Variants in ZNF85 observed in about 807,000 individuals in gnomAD.
The protein encoded by ZNF85 is zinc finger protein 85, also known as zinc finger protein 85 (HPF4, HTF1).
Under a neutral mutation model 53.9 loss-of-function variants are expected in ZNF85, and 50 were observed. The observed-to-expected ratio is 0.93, with a 90% CI of 0.74 to 1.17. The LOEUF (loss-of-function observed/expected upper bound fraction) is 1.17. Ranked by LOEUF, ZNF85 falls within the 50% of genes most tolerant of loss-of-function variation. ZNF85 has a pLI of 0.00. For synonymous variants in ZNF85, 225 were observed against 226.1 expected, an observed-to-expected ratio of 1.00 and a Z score of 0.04; for missense variants, 747 against 688.5, an observed-to-expected ratio of 1.08 and a Z score of -0.95.
At chr19:20,928,839 TC>T (rs1972940144) in intron 1 of ZNF85, 1 of 152,164 alleles carries the variant, frequency 6.6e-6, no homozygotes, top group Non-Finnish European at 1.5e-5. Flanking sequence ...CTACAGTCCT[TC>T]CACCTACATT....
chr19:20,950,397 AATT>A lies in ZNF85; in HGVS notation c.*96_*98del. On this transcript the variant is annotated 3_prime_UTR_variant, in exon 4 of 4. Coordinates refer to ENST00000328178, the MANE Select transcript of ZNF85 (RefSeq NM_003429.5). ...CTACTAACCTGAAAGATGTGACAAT[AATT>A]TTGACAACACCTCAGACTTATAAAA... The A allele has an allele frequency of 1.1e-6, 1 of 874,480 alleles. No individual in the cohort carries two copies. The allele number at this position is 874,480 out of a possible 1,614,324, so 54.2% of individuals were successfully genotyped here. A position where few individuals can be genotyped will look rare whatever the true frequency, so the allele number is the denominator to read the frequency against.
intron 3 of ZNF85, chr19:20,943,532 C>G (rs1430276441): frequency 6.6e-6 from 1 of 151,834 alleles, no homozygotes; most frequent in Non-Finnish European, 1.5e-5. Flanking sequence ...CTTGTACAGT[C>G]TGCCCAACGA....
At position 20,925,306 on chromosome 19, in the gene ZNF85, A is replaced by T. The variant is rs182621447; in HGVS notation, c.3+1903A>T. Reference sequence around the variant, plus strand: ...ACCCCATCTCTACTAAAAATACAAAAATTAGCCAGGCCTGGTGGCACACAC... The same window carrying T: ...ACCCCATCTCTACTAAAAATACAAATATTAGCCAGGCCTGGTGGCACACAC... On this transcript the variant is annotated intron_variant, in intron 1 of 3. Coordinates refer to ENST00000328178, the MANE Select transcript of ZNF85 (RefSeq NM_003429.5). Among the ~76,000 whole-genome samples, 560 of 152,052 alleles carry T rather than the reference A, an allele frequency of 3.7e-3. 2 individuals carry two copies. The highest frequency in any genetic ancestry group is 5.9e-3 in the Admixed American group (90 of 15,286).
At chr19:20,931,977 G>T (rs532770213) in intron 1 of ZNF85, among the ~76,000 whole-genome samples, 1 of 152,270 alleles carries the variant, frequency 6.6e-6, no homozygotes, top group African/African-American at 2.4e-5. Flanking sequence ...CTGAGAACAG[G>T]AAAAGTGAAA....
intron 3 of ZNF85, chr19:20,944,321 A>G (rs1973371539): frequency 6.6e-6 from 1 of 151,720 alleles, no homozygotes; most frequent in Admixed American, 6.6e-5. Context: ...TTGGCCTCTT[A>G]AAACTGTAGG....
At chr19:20,927,008 G>GAA (rs983400592) in intron 1 of ZNF85, 1 of 151,910 alleles carries the variant, frequency 6.6e-6, no homozygotes, top group Non-Finnish European at 1.5e-5. Flanking sequence ...AATGGAGTGT[G>GAA]AAAAAAATCA....
chr19:20,932,068 G>A (rs1973035961), intron 1 of ZNF85, among the ~76,000 whole-genome samples: 1 of 152,130 alleles, frequency 6.6e-6, no homozygotes, highest in Non-Finnish European at 1.5e-5. Flanking sequence ...AGCTTTTTCT[G>A]CAGGTCTTGA....
chr19:20,933,971 G>GTGTGTGTT (rs1973090507), intron 1 of ZNF85, 53 bp from the exon 2 acceptor site: 1 of 939,964 alleles, frequency 1.1e-6, no homozygotes, highest in African/African-American at 2.1e-5. Flanking sequence ...GTGTGTGTGT[G>GTGTGTGTT]TGTGTGTGTG....
rs775464345 is a variant in ZNF85, at chr19:20,949,300, A to T, written c.786A>T (p.Glu262Asp). ...HTGEKPYKCE[E>D]CGKTFNRFST... ...GAGAGAAACCCTACAAATGTGAAGA[A>T]TGTGGCAAAACTTTTAACCGATTCT... Residue 262 changes from glutamate (E) to aspartate (D), a missense_variant, in exon 4 of 4, where the codon GAA (glutamate) becomes GAT (aspartate). Physicochemically the swap from Glu to Asp is conservative, Grantham distance 45. Transcript: ENST00000328178. 2.5e-5 allele frequency: 40 copies of T among 1,609,074 alleles called. No homozygotes were observed. The highest frequency in any genetic ancestry group is 3.1e-5 in the Non-Finnish European group (36 of 1,176,988).
At chr19:20,927,361 G>C (rs1224536313) in intron 1 of ZNF85, 1 of 151,756 alleles carries the variant, frequency 6.6e-6, no homozygotes, top group African/African-American at 2.4e-5. Context: ...GCGGAGGCAG[G>C]AGAATCCCTT....
rs758401578 is a variant in ZNF85, at chr19:20,948,909, A to G, written c.395A>G (p.Asn132Ser). Residue 132 changes from asparagine (N) to serine (S), a missense_variant, in exon 4 of 4, where the codon AAT (asparagine) becomes AGT (serine). Coordinates refer to ENST00000328178, the MANE Select transcript of ZNF85 (RefSeq NM_003429.5). ...DECKMHKGGC[N>S]GLNQCLTATQ... Reference sequence around the variant, plus strand: ...TGTAAGATGCACAAAGGAGGTTGTAATGGACTTAACCAATGTCTCACAGCT... The same window carrying G: ...TGTAAGATGCACAAAGGAGGTTGTAGTGGACTTAACCAATGTCTCACAGCT... 1 of 1,613,750 alleles carries G rather than the reference A, an allele frequency of 6.2e-7. No individual in the cohort carries two copies. The highest frequency in any genetic ancestry group is 2.2e-5 in the East Asian group (1 of 44,850).
At chr19:20,934,002 T>G in intron 1 of ZNF85, 22 bp from the exon 2 acceptor site, 2 of 1,579,312 alleles carry the variant, frequency 1.3e-6, no homozygotes, top group Non-Finnish European at 1.7e-6. Flanking sequence ...TGTGTGTATG[T>G]GTATGTGTGT....
intron 1 of ZNF85, among the ~76,000 whole-genome samples, chr19:20,932,852 CA>C (rs1309756082): frequency 1.3e-5 from 2 of 152,028 alleles, no homozygotes; most frequent in African/African-American, 4.8e-5. Flanking sequence ...AGCAGTATCA[CA>C]GCCGTGATGC....
In ZNF85 at chr19:20,934,960, T is replaced by C; in HGVS notation, c.142T>C (p.Ser48Pro). 6.2e-7 allele frequency: 1 copy of C among 1,607,246 alleles called. No individual in the cohort carries two copies. Among genetic ancestry groups the C allele is most frequent in the Non-Finnish European group, 8.5e-7 (1 of 1,176,828 alleles). Residue 48 changes from serine to proline, a missense_variant, in exon 3 of 4, where the codon TCT becomes CCT. Transcript: ENST00000328178. ...TTTTAATAAAACAGGTATTACTGTT[T>C]CTAAGCCAGACCTGATCACTTGTCT... The part of the protein sequence containing the change: ...RNLVFLGITV[S>P]KPDLITCLEQ...
intron 3 of ZNF85, among the ~76,000 whole-genome samples, chr19:20,947,118 G>A (rs1973440003): frequency 1.3e-5 from 2 of 150,838 alleles, no homozygotes; most frequent in Non-Finnish European, 3.0e-5. Context: ...TGGTACCTTG[G>A]GGTTTACATA....
intron 3 of ZNF85, among the ~76,000 whole-genome samples, chr19:20,945,976 T>TA (rs1973409650): frequency 6.6e-6 from 1 of 152,088 alleles, no homozygotes; most frequent in Admixed American, 6.6e-5. Flanking sequence ...GCTTTATACT[T>TA]ATACCAAGTT....
chr19:20,941,951 G>A (rs185865537), intron 3 of ZNF85, among the ~76,000 whole-genome samples: 26 of 152,080 alleles, frequency 1.7e-4, no homozygotes, highest in Admixed American at 1.5e-3. Flanking sequence ...TGTGGTTCAA[G>A]GATATAATCC....
At chr19:20,932,357 C>T (rs373548615) in intron 1 of ZNF85, among the ~76,000 whole-genome samples, 98 of 152,228 alleles carry the variant, frequency 6.4e-4, no homozygotes, top group African/African-American at 2.3e-3. Flanking sequence ...TGTAAAAATT[C>T]TTATGATAGT....
chr19:20,942,910 G>C, intron 3 of ZNF85: 1 of 668,742 alleles, frequency 1.5e-6, no homozygotes, highest in Non-Finnish European at 2.7e-6. Context: ...CGAGTAGCTT[G>C]GACTACAGAC....
Sources: gnomAD v4.1 joint callset for allele counts (sites outside exome capture counted in the v4.1 genomes callset) on GRCh38, gnomAD v4.1.1 for gene constraint, MANE v1.5 for transcripts, NCBI Gene and HGNC (gene_info 2026-07-23, HGNC 2026-07-21) for gene names.